SLC23A2: variants seen among roughly 807,000 people sequenced by gnomAD.
SLC23A2 encodes solute carrier family 23 member 2.
In SLC23A2, 36 loss-of-function variants were observed where a neutral mutation model predicts 73.3. That is an observed-to-expected ratio of 0.49 (90% CI 0.38 to 0.65). The LOEUF (loss-of-function observed/expected upper bound fraction) is 0.65, where lower values mean the gene tolerates loss of function less well. Ranked by LOEUF, SLC23A2 falls within the 30% of genes least tolerant of loss-of-function variation. SLC23A2 has a pLI of 0.00. For synonymous variants in SLC23A2, 343 were observed against 327.3 expected (o/e 1.05, Z -0.52); for missense variants, 507 against 841.6 (o/e 0.60, Z 4.92).
At chr20:4,986,366 T>G (rs2087826624) in intron 1 of SLC23A2, among the ~76,000 whole-genome samples, 1 of 152,050 alleles carries the variant, frequency 6.6e-6, no homozygotes, top group Non-Finnish European at 1.5e-5. Context: ...CAAGCTGGAG[T>G]GCAGTGGCAC....
chr20:4,926,797 G>A (rs1234897168), intron 3 of SLC23A2, among the ~76,000 whole-genome samples: 2 of 151,964 alleles, frequency 1.3e-5, no homozygotes, highest in Admixed American at 6.6e-5. Context: ...AAATGTTTGT[G>A]TGGGTGTTTT....
At chr20:4,933,219 C>T (rs1467982633) in intron 2 of SLC23A2, among the ~76,000 whole-genome samples, 1 of 152,090 alleles carries the variant, frequency 6.6e-6, no homozygotes, top group East Asian at 1.9e-4. Flanking sequence ...GCGGATACAG[C>T]CAATTAATCA....
chr20:4,917,173 A>G (rs1203376434), intron 3 of SLC23A2, among the ~76,000 whole-genome samples: 1 of 152,182 alleles, frequency 6.6e-6, no homozygotes. Flanking sequence ...CCACAAAGAA[A>G]TGCCAAGAAC....
chr20:5,006,170 T>C (rs2088188863), upstream of SLC23A2, among the ~76,000 whole-genome samples: 1 of 152,056 alleles, frequency 6.6e-6, no homozygotes, highest in South Asian at 2.1e-4. Context: ...GGATGTTGGC[T>C]CACTGCAATC....
Position 4,852,765 on chromosome 20 carries a change from G to GTAAGATGGCAACGTGGGGAAGGGTGTCC in SLC23A2, c.*4179_*4206dup, listed in dbSNP as rs1162600526. On this transcript the variant is annotated 3_prime_UTR_variant, in exon 17 of 17. Transcript: ENST00000338244. The surrounding 1 kb of genome is among the most constrained non-coding windows in gnomAD (Gnocchi z 4.3). ...AAAAGGAGAGTCATTTGAACTGTCA[G>GTAAGATGGCAACGTGGGGAAGGGTGTCC]TAAGATGGCAACGTGGGGAAGGGTG... The GTAAGATGGCAACGTGGGGAAGGGTGTCC allele has an allele frequency of 2.0e-5, 3 of 152,468 alleles. No homozygotes were observed. Among genetic ancestry groups the GTAAGATGGCAACGTGGGGAAGGGTGTCC allele is most frequent in the Non-Finnish European group, 4.4e-5 (3 of 68,034 alleles). The allele number at this position is 152,468 out of a possible 1,614,324, so 9.4% of individuals were successfully genotyped here. A position where few individuals can be genotyped will look rare whatever the true frequency, so the allele number is the denominator to read the frequency against.
At chr20:4,975,200 C>A (rs1008041939) in intron 1 of SLC23A2, among the ~76,000 whole-genome samples, 7 of 152,184 alleles carry the variant, frequency 4.6e-5, no homozygotes, top group Non-Finnish European at 1.0e-4. Flanking sequence ...TATTTCCCAG[C>A]CTTCCTCGTA....
At chr20:4,939,745 A>C (rs2087012668) in intron 2 of SLC23A2, among the ~76,000 whole-genome samples, 1 of 152,228 alleles carries the variant, frequency 6.6e-6, no homozygotes, top group Non-Finnish European at 1.5e-5. Flanking sequence ...CCTGACAATA[A>C]TAGGATAAAG....
Position 4,857,321 on chromosome 20 carries a change from CACACACACACACACAT to C in SLC23A2, c.1721-133_1721-118del, listed in dbSNP as rs1469621338. The stretch of plus-strand genomic sequence containing the variant: ...ACACACACACACACACACACACACA[CACACACACACACACAT>C]GGTCCCACAGATCAAACCTGCCTAG... On this transcript the variant is annotated intron_variant, in intron 16 of 16. Coordinates refer to ENST00000338244, the MANE Select transcript of SLC23A2 (RefSeq NM_005116.6). The surrounding 1 kb of genome is among the most constrained non-coding windows in gnomAD (Gnocchi z 4.0). 482 of 528,724 alleles carry C rather than the reference CACACACACACACACAT, an allele frequency of 9.1e-4. No individual in the cohort carries two copies. Among genetic ancestry groups the C allele is most frequent in the African/African-American group, 7.6e-3 (294 of 38,928 alleles). 32.8% of individuals were successfully genotyped at this position (528,724 alleles called of 1,614,324 possible).
intron 3 of SLC23A2, among the ~76,000 whole-genome samples, chr20:4,914,785 A>C (rs1932267804): frequency 6.6e-6 from 1 of 152,214 alleles, no homozygotes; most frequent in Non-Finnish European, 1.5e-5. Context: ...TCAGGACTGT[A>C]ATCCTGGCAC....
intron 2 of SLC23A2, among the ~76,000 whole-genome samples, chr20:4,955,925 G>A (rs1404056538): frequency 2.6e-5 from 4 of 151,332 alleles, no homozygotes; most frequent in Admixed American, 1.3e-4. Context: ...TTCTTTTTGT[G>A]TTTATCTGCA....
rs2086992008 is a variant in SLC23A2 at position 4,938,332 on chromosome 20, ATCTTTT to A, written c.-154-5622_-154-5617del. On this transcript the variant is annotated intron_variant, in intron 2 of 16. Coordinates refer to ENST00000338244, the MANE Select transcript of SLC23A2 (RefSeq NM_005116.6). ...TGCACCTGTAATCCAGACTCATTCC[ATCTTTT>A]TTTTTTTTTTTTTTTTTGAGACAGA... 3.8e-5 allele frequency among the ~76,000 whole-genome samples: 5 copies of A among 130,630 alleles called. No homozygotes were observed. In the Admixed American group the frequency reaches 3.9e-4, roughly 10 times the overall value. The allele number at this position is 130,630 out of a possible 152,430, so 85.7% of individuals were successfully genotyped here. A position where few individuals can be genotyped will look rare whatever the true frequency, so the allele number is the denominator to read the frequency against.
chr20:4,896,283 G>A (rs545765729), intron 6 of SLC23A2, among the ~76,000 whole-genome samples: 5 of 152,284 alleles, frequency 3.3e-5, no homozygotes, highest in East Asian at 1.9e-4. Context: ...GGACCCACAC[G>A]GAAGAAGGTC....
chr20:4,888,887 C>T (rs73599335), intron 6 of SLC23A2, among the ~76,000 whole-genome samples: 12,084 of 152,238 alleles, frequency 0.079, 1,144 homozygotes, highest in African/African-American at 0.23. Context: ...GAGATTTCTG[C>T]ATCTCGTCCT....
At chr20:4,894,889 G>A (rs993181461) in intron 6 of SLC23A2, among the ~76,000 whole-genome samples, 1 of 152,176 alleles carries the variant, frequency 6.6e-6, no homozygotes, top group Non-Finnish European at 1.5e-5. Flanking sequence ...CTCAGATCAA[G>A]AGCCCATGTG....
intron 11 of SLC23A2, among the ~76,000 whole-genome samples, chr20:4,871,668 GC>G (rs1051377023): frequency 3.2e-4 from 49 of 152,244 alleles, no homozygotes; most frequent in African/African-American, 1.1e-3. Context: ...TGTGGGAGCA[GC>G]CAGGGGATGC....
chr20:4,880,153 G>A (rs1930825504), intron 9 of SLC23A2, among the ~76,000 whole-genome samples: 1 of 152,188 alleles, frequency 6.6e-6, no homozygotes. Context: ...TATTAGTTCA[G>A]TCAGAATTTG....
intron 16 of SLC23A2, among the ~76,000 whole-genome samples, chr20:4,858,938 C>G (rs1929844216): frequency 6.6e-6 from 1 of 152,156 alleles, no homozygotes; most frequent in Admixed American, 6.6e-5. Context: ...GCCCACCTCT[C>G]TCAGATCAGA....
chr20:5,001,958 G>GT, upstream of SLC23A2, among the ~76,000 whole-genome samples: 1 of 152,196 alleles, frequency 6.6e-6, no homozygotes, highest in South Asian at 2.1e-4. Flanking sequence ...TAGGTAGCCA[G>GT]TTTTTTTAAC....
intron 3 of SLC23A2, among the ~76,000 whole-genome samples, chr20:4,915,646 GT>G (rs1932295578): frequency 6.6e-6 from 1 of 152,134 alleles, no homozygotes; most frequent in African/African-American, 2.4e-5. Context: ...TCTGAAGTGG[GT>G]TTTTAAGTAT....
Sources: gnomAD v4.1 joint callset for allele counts (sites outside exome capture counted in the v4.1 genomes callset) on GRCh38, gnomAD v4.1.1 for gene constraint, Gnocchi (gnomAD v3.1) non-coding constraint, MANE v1.5 for transcripts, NCBI Gene and HGNC (gene_info 2026-07-23, HGNC 2026-07-21) for gene names.